MCTP2: variants seen among roughly 807,000 people sequenced by gnomAD.
MCTP2 encodes the protein multiple C2 and transmembrane domain containing 2, also known as multiple C2 and transmembrane domain-containing protein 2.
Under a neutral mutation model 111.6 loss-of-function variants are expected in MCTP2, and 132 were observed. The ratio of observed to expected loss-of-function variants is 1.18; its 90% CI spans 1.03 to 1.37. The LOEUF is 1.37. Among genes scored for constraint, MCTP2 ranks in the 40% most tolerant of loss-of-function variants. MCTP2 has a pLI of 0.00. For synonymous variants in MCTP2, 395 were observed against 387.7 expected (o/e 1.02, Z -0.22); for missense variants, 1,183 against 1,067.9 (o/e 1.11, Z -1.50).
chr15:94,331,056 A>G (rs909897306), intron 4 of MCTP2, among the ~76,000 whole-genome samples: 17 of 152,196 alleles, frequency 1.1e-4, no homozygotes, highest in African/African-American at 4.1e-4. Flanking sequence ...TTTAATGACC[A>G]CTTTGCCAAA....
chr15:94,467,476 T>C (rs1199183302), intron 20 of MCTP2, among the ~76,000 whole-genome samples: 1 of 152,180 alleles, frequency 6.6e-6, no homozygotes, highest in Non-Finnish European at 1.5e-5. Context: ...ATATGTACAT[T>C]ACTTCTACAG....
At chr15:94,452,340 T>C (rs187733727) in intron 19 of MCTP2, among the ~76,000 whole-genome samples, 65 of 152,260 alleles carry the variant, frequency 4.3e-4, no homozygotes, top group African/African-American at 1.5e-3. Context: ...ATTAAAATGA[T>C]AGAGGTACAA....
At chr15:94,376,276 C>T (rs1302654345) in intron 12 of MCTP2, among the ~76,000 whole-genome samples, 2 of 152,198 alleles carry the variant, frequency 1.3e-5, no homozygotes, top group East Asian at 1.9e-4. Context: ...GAGCCTTTTC[C>T]ATGGGCCCTG....
intron 1 of MCTP2, among the ~76,000 whole-genome samples, chr15:94,280,940 T>C (rs1273384301): frequency 2.0e-5 from 3 of 151,648 alleles, no homozygotes; most frequent in South Asian, 4.2e-4. Flanking sequence ...TTATTGAGAG[T>C]GTGGTTAGTA....
intron 1 of MCTP2, among the ~76,000 whole-genome samples, chr15:94,284,697 A>G (rs2074666816): frequency 6.6e-6 from 1 of 152,252 alleles, no homozygotes; most frequent in Non-Finnish European, 1.5e-5. Flanking sequence ...ATGGTGGGAA[A>G]GTCTTCACAG....
At position 94,307,040 on chromosome 15, in the gene MCTP2, A is replaced by G. The variant is rs560174775; in HGVS notation, c.466-7242A>G. ...GGTGTGTCAGAGAGGCAGGTGTGTC[A>G]GCTACATCCCAGGGTCCATCATGGG... On this transcript the variant is annotated intron_variant, in intron 2 of 22. Transcript: ENST00000357742. Among the ~76,000 whole-genome samples the G allele has an allele frequency of 7.2e-5, 11 of 152,286 alleles. No homozygotes were observed. The South Asian group carries it at 2.3e-3, about 32-fold the overall frequency.
chr15:94,280,817 C>A (rs945923205), intron 1 of MCTP2, among the ~76,000 whole-genome samples: 4 of 152,098 alleles, frequency 2.6e-5, no homozygotes, highest in African/African-American at 9.7e-5. Flanking sequence ...CAAAGAATTT[C>A]TTGATTTCTG....
intron 1 of MCTP2, among the ~76,000 whole-genome samples, chr15:94,254,546 AG>A (rs2072645513): frequency 6.6e-6 from 1 of 152,254 alleles, no homozygotes; most frequent in African/African-American, 2.4e-5. Flanking sequence ...TGCCAAACAA[AG>A]GGCCACTATT....
chr15:94,459,226 GTTTC>G (rs1366410585), intron 20 of MCTP2, among the ~76,000 whole-genome samples: 2 of 152,014 alleles, frequency 1.3e-5, no homozygotes, highest in Admixed American at 6.6e-5. Flanking sequence ...GATCATTCTA[GTTTC>G]TTTAAGAATA....
intron 1 of MCTP2, among the ~76,000 whole-genome samples, chr15:94,243,192 TATACGTATGCGTATATACGTATATAC>T (rs1238174408): frequency 6.8e-6 from 1 of 147,832 alleles, no homozygotes; most frequent in Admixed American, 6.7e-5. Context: ...CGTATGCGTA[TATACGTATGCGTATATACGTATATAC>T]ATACGTATGC....
chr15:94,357,407 T>G (rs1454792568), intron 9 of MCTP2, among the ~76,000 whole-genome samples: 1 of 152,194 alleles, frequency 6.6e-6, no homozygotes, highest in Admixed American at 6.5e-5. Flanking sequence ...AGGGTCAGGC[T>G]AAGGATTTAG....
At chr15:94,394,340 C>T (rs893670695) in intron 14 of MCTP2, among the ~76,000 whole-genome samples, 8 of 151,936 alleles carry the variant, frequency 5.3e-5, no homozygotes, top group African/African-American at 1.7e-4. Context: ...GTGGGCACAA[C>T]ATTCCCCGGC....
intron 1 of MCTP2, among the ~76,000 whole-genome samples, chr15:94,255,177 G>C (rs1455761): frequency 6.6e-6 from 1 of 151,948 alleles, no homozygotes; most frequent in South Asian, 2.1e-4. Context: ...ACCCCAATTA[G>C]TTTATGAGAT....
upstream of MCTP2, among the ~76,000 whole-genome samples, chr15:94,231,377 C>T (rs1235185302): frequency 6.6e-6 from 1 of 152,252 alleles, no homozygotes; most frequent in African/African-American, 2.4e-5. Flanking sequence ...GTGCCCAGCA[C>T]CAAGCATAGC....
chr15:94,297,380 C>A (rs1422267450), intron 1 of MCTP2, among the ~76,000 whole-genome samples: 1 of 152,118 alleles, frequency 6.6e-6, no homozygotes, highest in Admixed American at 6.5e-5. Context: ...CATTCTCAGG[C>A]TACATCTCAG....
intron 1 of MCTP2, among the ~76,000 whole-genome samples, chr15:94,232,580 T>G (rs2070259657): frequency 6.6e-6 from 1 of 152,198 alleles, no homozygotes; most frequent in South Asian, 2.1e-4. Context: ...AAATATTTAT[T>G]GTACACCTGT....
chr15:94,476,525 T>A (rs1465663717), intron 21 of MCTP2, 171 bp from the exon 22 acceptor site: 1 of 486,500 alleles, frequency 2.1e-6, no homozygotes, highest in African/African-American at 2.0e-5. Flanking sequence ...TCACACTAAT[T>A]TTTACTTGTG....
chr15:94,427,610 G>T lies in MCTP2; in HGVS notation c.2086-12566G>T, dbSNP rs111588059. 7.8e-3 allele frequency among the ~76,000 whole-genome samples: 1,189 copies of T among 152,244 alleles called. 11 individuals carry two copies. The highest frequency in any genetic ancestry group is 0.027 in the African/African-American group (1,139 of 41,518). ...CGCATGATTTAATCACTTCCTGCCA[G>T]GCCCCTCCCCCGACACGTGGGGATT... On this transcript the variant is annotated intron_variant, in intron 17 of 22. Transcript: ENST00000357742.
intron 20 of MCTP2, among the ~76,000 whole-genome samples, chr15:94,460,769 G>A (rs2085145898): frequency 6.6e-6 from 1 of 152,232 alleles, no homozygotes; most frequent in African/African-American, 2.4e-5. Context: ...CCCATGAACA[G>A]AGTACTGTTC....
Sources: allele counts gnomAD v4.1 joint callset (sites outside exome capture counted in the v4.1 genomes callset), GRCh38; gene constraint gnomAD v4.1.1; transcripts MANE v1.5; gene names NCBI Gene and HGNC (gene_info 2026-07-23, HGNC 2026-07-21).